MYOM1: variants seen among roughly 807,000 people sequenced by gnomAD.
MYOM1 encodes myomesin-1.
In MYOM1, 164 loss-of-function variants were observed where a neutral mutation model predicts 205.3. That is an observed-to-expected ratio of 0.80 (90% CI 0.70 to 0.91). The LOEUF (loss-of-function observed/expected upper bound fraction) is 0.91, where lower values mean the gene tolerates loss of function less well. Among genes scored for constraint, MYOM1 ranks in the 40% least tolerant of loss-of-function variants. The pLI is 0.00. For synonymous variants in MYOM1, 772 were observed against 789.4 expected, an observed-to-expected ratio of 0.98 and a Z score of 0.37; for missense variants, 2,011 against 2,127.3, an observed-to-expected ratio of 0.95 and a Z score of 1.08.
At chr18:3,233,269 C>A in the MYOM1 span, among the ~76,000 whole-genome samples, 1 of 152,318 alleles carries the variant, frequency 6.6e-6, no homozygotes, top group Non-Finnish European at 1.5e-5. Context: ...GGATTACTTT[C>A]ATCATTTACC....
At chr18:3,119,740 C>T (rs1325106354) in intron 20 of MYOM1, 129 bp downstream of exon 20, 2 of 1,202,404 alleles carry the variant, frequency 1.7e-6, no homozygotes, top group East Asian at 2.7e-5. Flanking sequence ...TTTAGGTAAA[C>T]ACAAGGGGCC....
chr18:3,083,340 C>T (rs971560302), intron 33 of MYOM1, among the ~76,000 whole-genome samples: 2 of 151,688 alleles, frequency 1.3e-5, no homozygotes. Context: ...TTGAGAAGAA[C>T]AGAAAAATTT....
intron 19 of MYOM1, among the ~76,000 whole-genome samples, chr18:3,123,811 T>C (rs1186799181): frequency 8.0e-6 from 1 of 124,290 alleles, no homozygotes; most frequent in East Asian, 2.7e-4. Flanking sequence ...TATAAAGCTA[T>C]AATTTATTTT....
the MYOM1 span, among the ~76,000 whole-genome samples, chr18:3,227,581 G>C: frequency 6.6e-6 from 1 of 152,170 alleles, no homozygotes; most frequent in African/African-American, 2.4e-5. Context: ...CACTTTGGGA[G>C]ACCGAGGTGG....
chr18:3,090,573 T>C (rs1246626452), intron 27 of MYOM1, 85 bp downstream of exon 27: 4 of 1,542,998 alleles, frequency 2.6e-6, no homozygotes, highest in African/African-American at 1.4e-5. Flanking sequence ...CCTACTACCT[T>C]TCAAATAACA....
chr18:3,144,397 AG>A (rs1341139044), intron 13 of MYOM1, among the ~76,000 whole-genome samples: 1 of 152,204 alleles, frequency 6.6e-6, no homozygotes, highest in African/African-American at 2.4e-5. Context: ...ATCCAAAAAA[AG>A]TAGAAAAAGA....
intron 2 of MYOM1, among the ~76,000 whole-genome samples, chr18:3,197,837 C>A (rs577196299): frequency 6.6e-6 from 1 of 152,130 alleles, no homozygotes; most frequent in Non-Finnish European, 1.5e-5. Flanking sequence ...CGCACCACTG[C>A]ACTCTGGCCT....
At chr18:3,160,634 T>C (rs565912938) in intron 10 of MYOM1, among the ~76,000 whole-genome samples, 2 of 152,374 alleles carry the variant, frequency 1.3e-5, no homozygotes, top group South Asian at 4.1e-4. Context: ...ATATATATCA[T>C]TTAAAATACA....
At chr18:3,218,571 T>C (rs1029449420) in intron 1 of MYOM1, among the ~76,000 whole-genome samples, 1 of 152,172 alleles carries the variant, frequency 6.6e-6, no homozygotes, top group African/African-American at 2.4e-5. Context: ...TGGAGGATAA[T>C]TACCATGTAT....
rs2080239206 is a variant in MYOM1 at position 3,152,764 on chromosome 18, T to A, written c.1644-871A>T. ...TGGGCTCTATGTCCAAAATGTGTAA[T>A]TCCCAAATGATTCTCAGGGGCGTGG... On this transcript the variant is annotated intron_variant, in intron 11 of 37. Coordinates refer to ENST00000356443, the MANE Select transcript of MYOM1 (RefSeq NM_003803.4). The surrounding 1 kb of genome is among the most constrained non-coding windows in gnomAD (Gnocchi z 4.3). 6.6e-6 allele frequency among the ~76,000 whole-genome samples: 1 copy of A among 152,258 alleles called. No individual in the cohort carries two copies. The highest frequency in any genetic ancestry group is 2.1e-4 in the South Asian group (1 of 4,822).
At chr18:3,086,359 T>C (rs2079153779) in intron 29 of MYOM1, among the ~76,000 whole-genome samples, 1 of 151,702 alleles carries the variant, frequency 6.6e-6, no homozygotes, top group African/African-American at 2.4e-5. Flanking sequence ...CCTAAATCAA[T>C]AGCATCTCTA....
chr18:3,091,707 A>C (rs955511399), intron 26 of MYOM1, among the ~76,000 whole-genome samples: 4 of 151,832 alleles, frequency 2.6e-5, no homozygotes, highest in Non-Finnish European at 5.9e-5. Flanking sequence ...TTAGACTCTC[A>C]CATTACCTTC....
In MYOM1 at chr18:3,067,490, C is replaced by G; in HGVS notation, c.4830G>C (p.Glu1610Asp). 6.2e-7 allele frequency: 1 copy of G among 1,613,862 alleles called. No individual in the cohort carries two copies. The highest frequency in any genetic ancestry group is 8.5e-7 in the Non-Finnish European group (1 of 1,179,904). The change falls in exon 38 of 38, where the codon GAG (glutamate) becomes GAC (aspartate). Residue 1610 changes from glutamate to aspartate, a missense_variant. Coordinates refer to ENST00000356443, the MANE Select transcript of MYOM1 (RefSeq NM_003803.4). ...PPPEVSWLKN[E>D]KALASDDHCN... ...AGTGGTCGTCTGAGGCCAGGGCCTT[C>G]TCGTTCTTCAACCACGACACCTCCG...
chr18:3,129,635 T>C, intron 17 of MYOM1, 116 bp from the exon 18 acceptor site: 1 of 1,139,328 alleles, frequency 8.8e-7, no homozygotes. Flanking sequence ...AAAACAGTCT[T>C]GGCTTAAAGA....
At chr18:3,096,031 C>T (rs925104560) in intron 25 of MYOM1, among the ~76,000 whole-genome samples, 2 of 152,182 alleles carry the variant, frequency 1.3e-5, no homozygotes, top group Non-Finnish European at 2.9e-5. Flanking sequence ...ACAGGCCCTC[C>T]TGGAAGTCTC....
intron 21 of MYOM1, among the ~76,000 whole-genome samples, chr18:3,116,119 A>AG (rs374169615): frequency 1.2e-4 from 19 of 152,326 alleles, no homozygotes; most frequent in African/African-American, 3.6e-4. Context: ...TGCATTTCAA[A>AG]GCTATGCTAA....
intron 10 of MYOM1, among the ~76,000 whole-genome samples, chr18:3,160,535 T>C (rs2080375950): frequency 2.0e-5 from 3 of 152,174 alleles, no homozygotes; most frequent in Admixed American, 2.0e-4. Flanking sequence ...ACTCTGTAAA[T>C]ATACTAAAAA....
At chr18:3,090,057 A>G (rs971482414) in intron 27 of MYOM1, among the ~76,000 whole-genome samples, 11 of 152,270 alleles carry the variant, frequency 7.2e-5, no homozygotes, top group African/African-American at 1.2e-4. Context: ...TTGTATTGCA[A>G]TCTCCCTCAC....
rs760459850 is a variant in MYOM1 at position 3,189,083 on chromosome 18, T to G, written c.436A>C (p.Lys146Gln). 6.2e-7 allele frequency: 1 copy of G among 1,610,368 alleles called. No individual in the cohort carries two copies. Among genetic ancestry groups the G allele is most frequent in the Non-Finnish European group, 8.5e-7 (1 of 1,177,760 alleles). Residue 146 changes from lysine to glutamine, a missense_variant, in exon 4 of 38, where the codon AAG becomes CAG. Physicochemically the swap from Lys to Gln is moderately conservative, Grantham distance 53. Transcript: ENST00000356443. This position sits in a 1 kb window ranked among gnomAD's most constrained non-coding sequence, Gnocchi z 4.8. ...GTATCAGTAATTCCACTGACATGCT[T>G]TTGACTAAAACACAACAATGGCAAA... is the stretch of plus-strand genomic sequence containing the variant. ...YMVPIFSGRQKHVSGITDTEE... is the reference protein window; with the variant it reads ...YMVPIFSGRQQHVSGITDTEE...
Sources: allele counts gnomAD v4.1 joint callset (sites outside exome capture counted in the v4.1 genomes callset), GRCh38; gene constraint gnomAD v4.1.1; non-coding constraint Gnocchi (gnomAD v3.1); transcripts MANE v1.5; gene names NCBI Gene and HGNC (gene_info 2026-07-23, HGNC 2026-07-21).